PPP3CC: variants seen among roughly 807,000 people sequenced by gnomAD.
PPP3CC encodes protein phosphatase 3 catalytic subunit gamma, also known as serine/threonine-protein phosphatase 2B catalytic subunit gamma isoform.
PPP3CC carries 35 observed loss-of-function variants against 60.3 expected under a neutral mutation model. That is an observed-to-expected ratio of 0.58 (90% CI 0.44 to 0.77). PPP3CC has a LOEUF of 0.77. Among genes scored for constraint, PPP3CC ranks in the 30% least tolerant of loss-of-function variants. The probability of loss-of-function intolerance (pLI) is 0.00; values close to 1 mark genes in which losing one functional copy is unlikely to be tolerated. For missense variants in PPP3CC, 570 were observed against 628.9 expected (o/e 0.91, Z 1.00); for synonymous variants, 206 against 224.3 (o/e 0.92, Z 0.73).
intron 1 of PPP3CC, among the ~76,000 whole-genome samples, chr8:22,453,759 T>C (rs1323886263): frequency 6.6e-6 from 1 of 152,240 alleles, no homozygotes; most frequent in East Asian, 1.9e-4. Flanking sequence ...AGCATGTTAC[T>C]CTATTTAATA....
chr8:22,512,967 T>C (rs967999142), intron 5 of PPP3CC, among the ~76,000 whole-genome samples: 3 of 151,538 alleles, frequency 2.0e-5, no homozygotes, highest in African/African-American at 7.3e-5. Context: ...TCCCAGCTAC[T>C]AGGGAGGGTG....
At chr8:22,472,492 G>T (rs1032378279) in intron 1 of PPP3CC, among the ~76,000 whole-genome samples, 14 of 151,302 alleles carry the variant, frequency 9.3e-5, no homozygotes, top group Admixed American at 5.9e-4. Flanking sequence ...ACCTTCAGGA[G>T]CAGTAACAGG....
At chr8:22,459,788 G>A (rs988010962) in intron 1 of PPP3CC, among the ~76,000 whole-genome samples, 1 of 152,118 alleles carries the variant, frequency 6.6e-6, no homozygotes, top group Non-Finnish European at 1.5e-5. Flanking sequence ...TCTTGGGGAG[G>A]TGAAGTTTTT....
intron 1 of PPP3CC, among the ~76,000 whole-genome samples, chr8:22,474,175 G>A (rs1272118298): frequency 6.6e-6 from 1 of 152,126 alleles, no homozygotes; most frequent in Non-Finnish European, 1.5e-5. Context: ...GATTACAGGC[G>A]TGAGCCATGG....
chr8:22,495,041 C>T (rs1383148596), intron 3 of PPP3CC, among the ~76,000 whole-genome samples: 3 of 152,098 alleles, frequency 2.0e-5, no homozygotes, highest in East Asian at 1.9e-4. Context: ...TCAAACTCCT[C>T]GCCTCAAGGG....
intron 4 of PPP3CC, among the ~76,000 whole-genome samples, chr8:22,502,817 C>T (rs942638569): frequency 2.0e-5 from 3 of 152,108 alleles, no homozygotes; most frequent in Non-Finnish European, 2.9e-5. Flanking sequence ...ATATAATGTA[C>T]AGAAGAAATC....
chr8:22,464,765 A>G (rs531524457), intron 1 of PPP3CC, among the ~76,000 whole-genome samples: 1 of 152,234 alleles, frequency 6.6e-6, no homozygotes, highest in African/African-American at 2.4e-5. Flanking sequence ...TGTAGTCTTT[A>G]CTTAAGTTTG....
chr8:22,498,958 T>G (rs533189346), intron 4 of PPP3CC, among the ~76,000 whole-genome samples: 1 of 150,726 alleles, frequency 6.6e-6, no homozygotes, highest in East Asian at 2.0e-4. Context: ...CCCCTGTCTC[T>G]ACTCAAAATA....
chr8:22,501,596 G>A (rs1207671238), intron 4 of PPP3CC, among the ~76,000 whole-genome samples: 1 of 152,188 alleles, frequency 6.6e-6, no homozygotes, highest in African/African-American at 2.4e-5. Flanking sequence ...GTAACATGTC[G>A]CCACCAGTGG....
intron 1 of PPP3CC, among the ~76,000 whole-genome samples, chr8:22,459,184 C>T (rs1416070592): frequency 6.6e-6 from 1 of 151,942 alleles, no homozygotes; most frequent in African/African-American, 2.4e-5. Context: ...GTTCCGCCTC[C>T]ACCTACACCT....
chr8:22,507,605 A>T (rs1838961521), intron 4 of PPP3CC, among the ~76,000 whole-genome samples: 1 of 152,144 alleles, frequency 6.6e-6, no homozygotes, highest in Non-Finnish European at 1.5e-5. Context: ...CAGTAATAAT[A>T]CCTACTTCAC....
intron 1 of PPP3CC, among the ~76,000 whole-genome samples, chr8:22,472,945 A>G (rs1315094280): frequency 6.6e-6 from 1 of 152,128 alleles, no homozygotes; most frequent in Non-Finnish European, 1.5e-5. Flanking sequence ...TTTCAGCTCC[A>G]TTTAACTACA....
rs1226483863 is a variant in PPP3CC, at chr8:22,511,080, TG to T, written c.485-5del. 6.2e-6 allele frequency: 10 copies of T among 1,613,062 alleles called. No homozygotes were observed. The highest frequency in any genetic ancestry group is 1.7e-5 in the Admixed American group (1 of 59,784). On this transcript the variant is annotated splice_polypyrimidine_tract_variant and splice_region_variant and intron_variant, in intron 4 of 13. Transcript: ENST00000240139. Reference sequence around the variant, plus strand: ...CTTCCATTGACTGGTTTTCCTTTTTTGTTAGGTCGAATCAAATATTCGGAAC... The same window carrying T: ...CTTCCATTGACTGGTTTTCCTTTTTTTTAGGTCGAATCAAATATTCGGAAC...
At chr8:22,534,375 T>C (rs1000774639) in intron 12 of PPP3CC, among the ~76,000 whole-genome samples, 13 of 151,564 alleles carry the variant, frequency 8.6e-5, no homozygotes, top group African/African-American at 3.2e-4. Context: ...TAAGTTATGA[T>C]TGTGCCACTG....
In PPP3CC at chr8:22,527,463, C is replaced by G. The variant is rs1446299374; in HGVS notation, c.1015C>G (p.Leu339Val). The G allele has an allele frequency of 3.7e-6, 6 of 1,613,922 alleles. No individual in the cohort carries two copies. The highest frequency in any genetic ancestry group is 5.1e-6 in the Non-Finnish European group (6 of 1,179,838). The stretch of plus-strand genomic sequence containing the variant: ...TAACTGTTCTCCACACCCCTACTGG[C>G]TTCCAAACTTTATGGATGTTTTCAC... Reference protein sequence around the residue: ...QFNCSPHPYWLPNFMDVFTWS... With the variant: ...QFNCSPHPYWVPNFMDVFTWS... The change falls in exon 9 of 14, where the codon CTT becomes GTT. Residue 339 changes from leucine to valine, a missense_variant. By Grantham distance (32) the Leu-to-Val change is conservative. Transcript: ENST00000240139.
chr8:22,509,341 G>T (rs1186748826), intron 4 of PPP3CC, among the ~76,000 whole-genome samples: 2 of 152,160 alleles, frequency 1.3e-5, no homozygotes, highest in African/African-American at 4.8e-5. Context: ...TTACCAACTA[G>T]ATAGTCTGAC....
chr8:22,484,008 A>AT (rs113767441), intron 3 of PPP3CC, among the ~76,000 whole-genome samples: 3,762 of 145,996 alleles, frequency 0.026, 140 homozygotes, highest in African/African-American at 0.08. Flanking sequence ...CACTTGGCTA[A>AT]TTTTTTTTTT....
intron 1 of PPP3CC, among the ~76,000 whole-genome samples, chr8:22,449,221 G>A (rs909992760): frequency 1.3e-5 from 2 of 152,288 alleles, no homozygotes; most frequent in African/African-American, 4.8e-5. Flanking sequence ...GGCCAAGGCG[G>A]CTGGATCACT....
intron 3 of PPP3CC, among the ~76,000 whole-genome samples, chr8:22,496,478 C>T (rs942815577): frequency 1.1e-5 from 1 of 91,476 alleles, no homozygotes; most frequent in African/African-American, 3.7e-5. Context: ...TTAGGGAGAA[C>T]TGTAATCTTT....
Sources: allele counts gnomAD v4.1 joint callset (sites outside exome capture counted in the v4.1 genomes callset), GRCh38; gene constraint gnomAD v4.1.1; transcripts MANE v1.5; gene names NCBI Gene and HGNC (gene_info 2026-07-23, HGNC 2026-07-21).